Variants in CFAP61 observed in about 807,000 individuals in gnomAD.
The protein encoded by CFAP61 is cilia- and flagella-associated protein 61.
CFAP61 carries 107 observed loss-of-function variants against 135.6 expected under a neutral mutation model. The ratio of observed to expected loss-of-function variants is 0.79; its 90% CI spans 0.67 to 0.93. The LOEUF (loss-of-function observed/expected upper bound fraction) is 0.93, where lower values mean the gene tolerates loss of function less well. Among genes scored for constraint, CFAP61 ranks in the 40% least tolerant of loss-of-function variants. CFAP61 has a pLI of 0.00. For synonymous variants in CFAP61, 575 were observed against 578.5 expected (o/e 0.99, Z 0.09); for missense variants, 1,507 against 1,556.2 (o/e 0.97, Z 0.53).
intron 8 of CFAP61, among the ~76,000 whole-genome samples, chr20:20,132,898 GC>G (rs1158780676): frequency 1.3e-5 from 2 of 151,548 alleles, no homozygotes; most frequent in African/African-American, 4.9e-5. Flanking sequence ...TAGATGTGTT[GC>G]CCATAAACAG....
intron 22 of CFAP61, among the ~76,000 whole-genome samples, chr20:20,287,521 G>T (rs2054678447): frequency 6.6e-6 from 1 of 152,074 alleles, no homozygotes; most frequent in Non-Finnish European, 1.5e-5. Context: ...TATGACTAGT[G>T]GCTACCACAG....
chr20:20,158,559 A>T (rs2053141938), intron 9 of CFAP61, among the ~76,000 whole-genome samples: 2 of 152,224 alleles, frequency 1.3e-5, no homozygotes, highest in African/African-American at 4.8e-5. Flanking sequence ...ACTATTCAGC[A>T]ACAAAGAGGA....
chr20:20,264,322 T>C (rs1156657309), intron 21 of CFAP61, among the ~76,000 whole-genome samples: 4 of 152,150 alleles, frequency 2.6e-5, no homozygotes, highest in Admixed American at 1.3e-4. Context: ...TTTGGGGATC[T>C]GAAATACAAA....
intron 22 of CFAP61, among the ~76,000 whole-genome samples, chr20:20,285,650 G>A (rs2054528975): frequency 6.6e-6 from 1 of 152,086 alleles, no homozygotes; most frequent in African/African-American, 2.4e-5. Flanking sequence ...AGACACAGTG[G>A]CTCACGCCTA....
intron 25 of CFAP61, chr20:20,323,055 C>T: frequency 2.5e-5 from 25 of 985,460 alleles, no homozygotes; most frequent in Non-Finnish European, 3.0e-5. Flanking sequence ...GATCACTGTT[C>T]TTAGACAAAG....
chr20:20,098,675 G>A lies in CFAP61; in HGVS notation c.720G>A (p.Gly240=). The part of the protein sequence containing the change: ...VVCEVEGTAV[G]FMSVCSRVNM... ...TTCAGGTGGAAGGCACAGCTGTTGGGTTCATGAGTGTGTGCTCAAGAGTGA... is the reference window on the plus strand; with the variant it reads ...TTCAGGTGGAAGGCACAGCTGTTGGATTCATGAGTGTGTGCTCAAGAGTGA... Residue 240 remains glycine, a synonymous_variant, in exon 8 of 27, where the codon GGG becomes GGA. Transcript: ENST00000245957. 1.9e-6 allele frequency: 3 copies of A among 1,611,864 alleles called. No individual in the cohort carries two copies. The highest frequency in any genetic ancestry group is 2.5e-6 in the Non-Finnish European group (3 of 1,179,292).
rs2056539410 is a variant in CFAP61 at position 20,200,200 on chromosome 20, T to G, written c.1932+298T>G. On this transcript the variant is annotated intron_variant, in intron 17 of 26. Transcript: ENST00000245957. ...CCTAGAGTCATCCTCCAGCATATTT[T>G]CATTTTCTTTCCCTGTCCTCAAAAG... Among the ~76,000 whole-genome samples the G allele has an allele frequency of 2.6e-5, 4 of 152,254 alleles. No individual in the cohort carries two copies. The South Asian group carries it at 8.3e-4, about 31-fold the overall frequency.
chr20:20,069,293 T>C (rs1368536934), intron 2 of CFAP61, among the ~76,000 whole-genome samples: 1 of 152,202 alleles, frequency 6.6e-6, no homozygotes, highest in Non-Finnish European at 1.5e-5. Context: ...ATTATTATTA[T>C]GTTTTGAGAT....
intron 2 of CFAP61, among the ~76,000 whole-genome samples, chr20:20,068,255 G>A (rs781215051): frequency 3.3e-5 from 5 of 152,188 alleles, no homozygotes; most frequent in Non-Finnish European, 7.3e-5. Context: ...CATGTACAGC[G>A]TCTTGTGCAT....
chr20:20,091,046 C>A, intron 7 of CFAP61, 70 bp downstream of exon 7: 2 of 1,546,580 alleles, frequency 1.3e-6, no homozygotes, highest in Non-Finnish European at 1.8e-6. Flanking sequence ...GTTGCTCTTG[C>A]GTTGCTGGGC....
At chr20:20,346,436 T>G (rs1224652424) in intron 26 of CFAP61, among the ~76,000 whole-genome samples, 1 of 147,990 alleles carries the variant, frequency 6.8e-6, no homozygotes, top group Non-Finnish European at 1.5e-5. Flanking sequence ...GAGATTTGCT[T>G]GAACCTGGGA....
chr20:20,301,939 T>C (rs115862501), intron 25 of CFAP61, among the ~76,000 whole-genome samples: 3 of 152,310 alleles, frequency 2.0e-5, no homozygotes, highest in Admixed American at 6.5e-5. Flanking sequence ...GAAAACCCCA[T>C]TGGATTTGAT....
intron 25 of CFAP61, among the ~76,000 whole-genome samples, chr20:20,341,519 G>A (rs567118548): frequency 4.6e-5 from 7 of 152,294 alleles, no homozygotes; most frequent in Non-Finnish European, 7.3e-5. Context: ...TTTCTCAAAC[G>A]AGGGCAGATA....
chr20:20,237,894 A>G (rs2049716397), intron 18 of CFAP61, among the ~76,000 whole-genome samples: 1 of 152,234 alleles, frequency 6.6e-6, no homozygotes, highest in African/African-American at 2.4e-5. Context: ...TGCATGTTAG[A>G]GAATTTAAGA....
chr20:20,245,366 A>T (rs1365977778), intron 18 of CFAP61, among the ~76,000 whole-genome samples: 1 of 152,212 alleles, frequency 6.6e-6, no homozygotes, highest in Non-Finnish European at 1.5e-5. Flanking sequence ...ATCATGGTGG[A>T]AGGCAAAGAG....
intron 8 of CFAP61, among the ~76,000 whole-genome samples, chr20:20,102,750 GT>G (rs745761572): frequency 1.4e-4 from 21 of 151,820 alleles, no homozygotes; most frequent in Non-Finnish European, 2.5e-4. Context: ...TCTCCTACTG[GT>G]ACATCCTGGA....
intron 17 of CFAP61, among the ~76,000 whole-genome samples, chr20:20,223,693 A>G (rs769087682): frequency 9.2e-5 from 14 of 152,220 alleles, no homozygotes; most frequent in South Asian, 4.1e-4. Context: ...ACTTGGGTCT[A>G]TGTATATCCA....
In CFAP61 at chr20:20,360,223, CT is replaced by C; in HGVS notation, c.3529del (p.Ser1177ProfsTer2). 6.2e-7 allele frequency: 1 copy of C among 1,613,598 alleles called. No homozygotes were observed. The highest frequency in any genetic ancestry group is 8.5e-7 in the Non-Finnish European group (1 of 1,179,656). ...TGTGTTTTACAGGAGGAAGATCTTCCTTCCATAGAGCAGTTAGCCCATCAAA... is the reference window on the plus strand; with the variant it reads ...TGTGTTTTACAGGAGGAAGATCTTCCTCCATAGAGCAGTTAGCCCATCAAA... ...ILASKEEEDL[P>X]SIEQLAHQIE... On this transcript the variant is annotated frameshift_variant, in exon 27 of 27. Coordinates refer to ENST00000245957, the MANE Select transcript of CFAP61 (RefSeq NM_015585.4). LOFTEE classifies it high-confidence loss of function.
chr20:20,275,113 T>G (rs2053651422), intron 21 of CFAP61, among the ~76,000 whole-genome samples: 1 of 152,212 alleles, frequency 6.6e-6, no homozygotes, highest in Non-Finnish European at 1.5e-5. Context: ...TGGGCCCTTG[T>G]GCTTGCCTTT....
Sources: gnomAD v4.1 joint callset for allele counts (sites outside exome capture counted in the v4.1 genomes callset) on GRCh38, gnomAD v4.1.1 for gene constraint, MANE v1.5 for transcripts, NCBI Gene and HGNC (gene_info 2026-07-23, HGNC 2026-07-21) for gene names.